Variants in NCAM2 observed in about 807,000 individuals in gnomAD.
The protein encoded by NCAM2 is neural cell adhesion molecule 2, also known as N-CAM-2.
Under a neutral mutation model 98.1 loss-of-function variants are expected in NCAM2, and 30 were observed. That is an observed-to-expected ratio of 0.31 (90% CI 0.23 to 0.41). The LOEUF (loss-of-function observed/expected upper bound fraction) is 0.41. Among genes scored for constraint, NCAM2 ranks in the 10% least tolerant of loss-of-function variants. NCAM2 has a pLI of 1.00. For missense variants in NCAM2, 867 were observed against 1,005.8 expected, an observed-to-expected ratio of 0.86 and a Z score of 1.87; for synonymous variants, 368 against 342.4, an observed-to-expected ratio of 1.07 and a Z score of -0.83.
intron 1 of NCAM2, among the ~76,000 whole-genome samples, chr21:21,214,623 G>C (rs2069791732): frequency 6.6e-6 from 1 of 150,752 alleles, no homozygotes; most frequent in African/African-American, 2.4e-5. Flanking sequence ...AAATATATTT[G>C]ACATGTAATT....
chr21:21,397,240 G>A (rs572278538), intron 9 of NCAM2, among the ~76,000 whole-genome samples: 38 of 152,160 alleles, frequency 2.5e-4, no homozygotes, highest in South Asian at 1.9e-3. Context: ...TCTGGGCCAC[G>A]ATTCCACCCA....
At chr21:21,419,004 A>G (rs930016241) in intron 11 of NCAM2, among the ~76,000 whole-genome samples, 1 of 152,132 alleles carries the variant, frequency 6.6e-6, no homozygotes, top group Non-Finnish European at 1.5e-5. Flanking sequence ...ATGTACAACA[A>G]TTTTGCATGC....
Position 21,335,510 on chromosome 21 carries a change from G to A in NCAM2, c.743G>A (p.Gly248Asp), listed in dbSNP as rs536033294. The change falls in exon 7 of 18, where the codon GGC (glycine) becomes GAC (aspartate). Residue 248 changes from glycine (G) to aspartate (D), a missense_variant. Gly to Asp is a moderately conservative substitution (Grantham distance 94, BLOSUM62 -1). Around this residue, in one of 5 missense-constraint regions of NCAM2, gnomAD observed 447 missense variants for 495.7 expected, o/e 0.90. Coordinates refer to ENST00000400546, the MANE Select transcript of NCAM2 (RefSeq NM_004540.5). Reference sequence around the variant, plus strand: ...ACCTCTTTTTTCTTCTTTAGGAATGGCAAGCTCATTGAAGAAAATGAGAAG... The same window carrying A: ...ACCTCTTTTTTCTTCTTTAGGAATGACAAGCTCATTGAAGAAAATGAGAAG... ...PEPAISWFRN[G>D]KLIEENEKYI... 2.5e-6 allele frequency: 4 copies of A among 1,586,558 alleles called. No homozygotes were observed. The highest frequency in any genetic ancestry group is 1.4e-5 in the African/African-American group (1 of 73,370).
intron 1 of NCAM2, among the ~76,000 whole-genome samples, chr21:21,039,366 C>A (rs989051723): frequency 2.6e-5 from 4 of 152,152 alleles, no homozygotes; most frequent in Non-Finnish European, 5.9e-5. Flanking sequence ...AGAATAAGTT[C>A]TAATGTTCAG....
chr21:21,308,418 T>G (rs987091649), intron 5 of NCAM2, among the ~76,000 whole-genome samples: 1 of 152,120 alleles, frequency 6.6e-6, no homozygotes, highest in Non-Finnish European at 1.5e-5. Flanking sequence ...CAGATTTTAT[T>G]TTTTCAGTAC....
At chr21:21,125,529 A>ATATT (rs2066790943) in intron 1 of NCAM2, among the ~76,000 whole-genome samples, 1 of 111,292 alleles carries the variant, frequency 9.0e-6, no homozygotes, top group Non-Finnish European at 1.8e-5. Flanking sequence ...AATATGTAAT[A>ATATT]TATAAAATAT....
chr21:21,490,877 T>C (rs1482240544), intron 15 of NCAM2, among the ~76,000 whole-genome samples: 3 of 151,896 alleles, frequency 2.0e-5, no homozygotes, highest in African/African-American at 7.2e-5. Context: ...TATCCAGCAC[T>C]GTGTGTAATC....
chr21:21,045,455 G>A (rs1346867977), intron 1 of NCAM2, among the ~76,000 whole-genome samples: 2 of 152,028 alleles, frequency 1.3e-5, no homozygotes, highest in African/African-American at 2.4e-5. Flanking sequence ...ACCAATCTGG[G>A]CAACATAGTG....
intron 2 of NCAM2, among the ~76,000 whole-genome samples, chr21:21,281,617 T>C (rs1166409644): frequency 6.6e-6 from 1 of 151,980 alleles, no homozygotes; most frequent in African/African-American, 2.4e-5. Flanking sequence ...GAATGCATTA[T>C]TTATTTAGGT....
intron 16 of NCAM2, among the ~76,000 whole-genome samples, chr21:21,511,457 T>C (rs1988374201): frequency 6.6e-6 from 1 of 151,994 alleles, no homozygotes; most frequent in Non-Finnish European, 1.5e-5. Context: ...CCACAAATGA[T>C]TTTCCATTGT....
In NCAM2 at chr21:21,515,972, A is replaced by C. The variant is rs375174414; in HGVS notation, c.2282+6917A>C. Among the ~76,000 whole-genome samples, 46 of 152,318 alleles carry C rather than the reference A, an allele frequency of 3.0e-4. 1 individual carries two copies. The East Asian group carries it at 8.3e-3, about 27-fold the overall frequency. ...TACAAATCTAAAATTATGTCACTCC[A>C]ATTATGAATTGTTCAGTAAATAACT... On this transcript the variant is annotated intron_variant, in intron 16 of 17. Coordinates refer to ENST00000400546, the MANE Select transcript of NCAM2 (RefSeq NM_004540.5).
At chr21:21,430,403 T>TATATATATATATATATATATATATATA (rs71195328) in intron 11 of NCAM2, among the ~76,000 whole-genome samples, 68 of 146,574 alleles carry the variant, frequency 4.6e-4, no homozygotes, top group South Asian at 1.1e-3. Flanking sequence ...TTTATATATA[T>TATATATATATATATATATATATATATA]TAGCCCATTC....
chr21:21,403,261 T>C (rs1267715626), intron 9 of NCAM2, among the ~76,000 whole-genome samples: 1 of 152,210 alleles, frequency 6.6e-6, no homozygotes. Context: ...AGATTTAAGT[T>C]AATGTTCTTC....
intron 10 of NCAM2, among the ~76,000 whole-genome samples, chr21:21,411,114 A>ATATATATACATATATGTG (rs1426488904): frequency 5.7e-4 from 2 of 3,534 alleles, no homozygotes; most frequent in African/African-American, 1.9e-3. Context: ...ATATATATGT[A>ATATATATACATATATGTG]TATATATATA....
chr21:21,319,343 A>C (rs187690582), intron 5 of NCAM2, among the ~76,000 whole-genome samples: 8 of 152,190 alleles, frequency 5.3e-5, no homozygotes, highest in African/African-American at 1.9e-4. Context: ...AACTGTAATT[A>C]ATAAAAATAA....
chr21:21,330,764 T>A (rs771479426), intron 6 of NCAM2, among the ~76,000 whole-genome samples: 2 of 152,142 alleles, frequency 1.3e-5, no homozygotes, highest in Non-Finnish European at 2.9e-5. Context: ...AGATCAGTAC[T>A]ATGAAAATTA....
rs1990189117 is a variant in NCAM2, at chr21:21,540,470, T to G, written c.*2513T>G. ...GCCATGCTGAAGCAAGGCAATACTG[T>G]GATAAAGTATTTTTTTTAATATTTC... On this transcript the variant is annotated 3_prime_UTR_variant, in exon 18 of 18. Transcript: ENST00000400546. 1 of 151,746 alleles carries G rather than the reference T, an allele frequency of 6.6e-6. No individual in the cohort carries two copies. Among genetic ancestry groups the G allele is most frequent in the African/African-American group, 2.4e-5 (1 of 41,360 alleles). The allele number at this position is 151,746 out of a possible 1,614,324, so 9.4% of individuals were successfully genotyped here.
chr21:21,459,046 T>C (rs1237928175), intron 12 of NCAM2, among the ~76,000 whole-genome samples: 3 of 152,114 alleles, frequency 2.0e-5, no homozygotes, highest in Non-Finnish European at 2.9e-5. Context: ...AGGATCAGAA[T>C]AGCTATTTCC....
chr21:21,277,994 G>T (rs1358034810), intron 1 of NCAM2, among the ~76,000 whole-genome samples: 1 of 152,116 alleles, frequency 6.6e-6, no homozygotes, highest in Non-Finnish European at 1.5e-5. Flanking sequence ...AATATGTTTG[G>T]TTTGCATACA....
Sources: allele counts gnomAD v4.1 joint callset (sites outside exome capture counted in the v4.1 genomes callset), GRCh38; gene constraint gnomAD v4.1.1; regional missense constraint gnomAD v4.1.1; transcripts MANE v1.5; gene names NCBI Gene and HGNC (gene_info 2026-07-23, HGNC 2026-07-21).